Variants in APPL2 observed in about 807,000 individuals in gnomAD.
APPL2 encodes the protein adaptor protein, phosphotyrosine interacting with PH domain and leucine zipper 2.
APPL2 carries 84 observed loss-of-function variants against 92.7 expected under a neutral mutation model. That is an observed-to-expected ratio of 0.91 (90% CI 0.76 to 1.09). APPL2 has a LOEUF of 1.09. Ranked by LOEUF, APPL2 falls within the 50% of genes least tolerant of loss-of-function variation. APPL2 has a pLI of 0.00. For synonymous variants in APPL2, 291 were observed against 291.0 expected (o/e 1.00, Z 0.00); for missense variants, 736 against 824.5 (o/e 0.89, Z 1.31).
intron 17 of APPL2, among the ~76,000 whole-genome samples, chr12:105,187,135 A>T (rs1886806859): frequency 1.3e-5 from 2 of 152,206 alleles, no homozygotes; most frequent in African/African-American, 4.8e-5. Context: ...GATTATAAGA[A>T]CCATGAGCCC....
intron 17 of APPL2, 96 bp from the exon 18 acceptor site, chr12:105,177,358 G>T: frequency 7.7e-7 from 1 of 1,303,956 alleles, no homozygotes; most frequent in Non-Finnish European, 1.1e-6. Flanking sequence ...CAAATTCCCC[G>T]AAATAGAGAT....
intron 17 of APPL2, among the ~76,000 whole-genome samples, chr12:105,186,927 T>G (rs1886785554): frequency 1.3e-5 from 2 of 151,948 alleles, no homozygotes; most frequent in South Asian, 4.1e-4. Context: ...CATTTTTTAA[T>G]TGGGTTGTCT....
intron 14 of APPL2, among the ~76,000 whole-genome samples, chr12:105,192,269 A>T (rs1312859563): frequency 6.6e-6 from 1 of 152,134 alleles, no homozygotes; most frequent in African/African-American, 2.4e-5. Flanking sequence ...AACCACCATC[A>T]TCTTCTCTTG....
chr12:105,198,204 C>G (rs1887837002), intron 10 of APPL2, among the ~76,000 whole-genome samples: 2 of 152,162 alleles, frequency 1.3e-5, no homozygotes, highest in South Asian at 4.1e-4. Flanking sequence ...CGCACCACAG[C>G]CACATGCTGA....
Position 105,217,628 on chromosome 12 carries a change from A to G in APPL2, c.213+38T>C, listed in dbSNP as rs375758133. The G allele has an allele frequency of 1.2e-5, 20 of 1,603,194 alleles. No homozygotes were observed. The African/African-American group carries it at 2.5e-4, about 20-fold the overall frequency. On this transcript the variant is annotated intron_variant, in intron 3 of 20. Transcript: ENST00000258530. ...ATAATTCCACTTAAGAAAGTCCTGA[A>G]CACAGCAGCATCACAGGCCACATAA... is the stretch of plus-strand genomic sequence containing the variant.
chr12:105,174,556 A>C, intron 20 of APPL2, 108 bp from the exon 21 acceptor site: 2 of 1,225,970 alleles, frequency 1.6e-6, no homozygotes, highest in Non-Finnish European at 2.2e-6. Flanking sequence ...GTTTCTCCTG[A>C]CTCTTGTGTA....
intron 2 of APPL2, 90 bp downstream of exon 2, chr12:105,229,035 G>T: frequency 2.7e-6 from 3 of 1,114,518 alleles, no homozygotes; most frequent in Non-Finnish European, 2.6e-6. Context: ...GATGTTTTTC[G>T]GATTCCAATT....
At chr12:105,196,568 T>G (rs574999069) in intron 11 of APPL2, among the ~76,000 whole-genome samples, 13 of 151,394 alleles carry the variant, frequency 8.6e-5, no homozygotes, top group African/African-American at 2.9e-4. Flanking sequence ...CCTGAGTAGC[T>G]GGGATTACAG....
chr12:105,176,064 A>G lies in APPL2; in HGVS notation c.1831T>C (p.Leu611=). ...TGAACCTCAATAATTTCTTTTCCCA[A>G]ATTAATAGCATAACATATCTGCAAA... ...EGEKICYAIN[L]GKEIIEVQKD... The change falls in exon 20 of 21, where the codon TTG becomes CTG. Residue 611 remains leucine (L), a synonymous_variant. Coordinates refer to ENST00000258530, the MANE Select transcript of APPL2 (RefSeq NM_018171.5). The G allele has an allele frequency of 6.3e-7, 1 of 1,591,368 alleles. No individual in the cohort carries two copies. The highest frequency in any genetic ancestry group is 8.5e-7 in the Non-Finnish European group (1 of 1,172,534).
chr12:105,184,379 TTCC>T (rs1886400797), intron 17 of APPL2, among the ~76,000 whole-genome samples: 1 of 152,252 alleles, frequency 6.6e-6, no homozygotes, highest in Admixed American at 6.5e-5. Context: ...GTGCTGCTTT[TTCC>T]TCATCTTTGT....
At chr12:105,186,290 G>C (rs1317903411) in intron 17 of APPL2, among the ~76,000 whole-genome samples, 1 of 152,034 alleles carries the variant, frequency 6.6e-6, no homozygotes, top group African/African-American at 2.4e-5. Flanking sequence ...TGAGCATCAA[G>C]TTGGCACTCA....
At chr12:105,202,997 T>G (rs1888345154) in intron 9 of APPL2, among the ~76,000 whole-genome samples, 1 of 148,360 alleles carries the variant, frequency 6.7e-6, no homozygotes, top group South Asian at 2.2e-4. Context: ...TTCCATTTTG[T>G]CTATTTGTCA....
In APPL2 at chr12:105,176,906, G is replaced by A; in HGVS notation, c.1782C>T (p.Tyr594=). ...CGCCTTCTGAGTTGCTTTCAAAAAT[G>A]TATGTACTCAGAGATTCTTCTCCAG... is the stretch of plus-strand genomic sequence containing the variant. The part of the protein sequence containing the change: ...ESTGEESLST[Y]IFESNSEGEK... The change falls in exon 19 of 21, where the codon TAC becomes TAT. Residue 594 remains tyrosine (Y), a synonymous_variant. Coordinates refer to ENST00000258530, the MANE Select transcript of APPL2 (RefSeq NM_018171.5). 6.2e-7 allele frequency: 1 copy of A among 1,614,106 alleles called. No individual in the cohort carries two copies.
At chr12:105,212,096 G>C (rs1269959949) in intron 4 of APPL2, among the ~76,000 whole-genome samples, 2 of 124,766 alleles carry the variant, frequency 1.6e-5, no homozygotes, top group Non-Finnish European at 3.2e-5. Flanking sequence ...TTCAGCCTGG[G>C]TGACAGAGCG....
intron 2 of APPL2, among the ~76,000 whole-genome samples, chr12:105,220,283 T>C (rs1017529473): frequency 7.2e-5 from 11 of 152,244 alleles, no homozygotes; most frequent in Non-Finnish European, 1.0e-4. Context: ...TATTTTAGGC[T>C]TGTGGGCCAT....
chr12:105,194,913 C>T (rs1247166360), intron 14 of APPL2, among the ~76,000 whole-genome samples: 2 of 151,562 alleles, frequency 1.3e-5, no homozygotes, highest in African/African-American at 4.9e-5. Flanking sequence ...TTTTTAAAAA[C>T]ATTTTTGCTT....
At chr12:105,231,865 T>C (rs983549993) in intron 1 of APPL2, among the ~76,000 whole-genome samples, 5 of 152,254 alleles carry the variant, frequency 3.3e-5, no homozygotes, top group Non-Finnish European at 5.9e-5. Flanking sequence ...CCTTGGACAC[T>C]GGCTATCCTC....
chr12:105,190,629 T>C (rs575245023), intron 14 of APPL2, among the ~76,000 whole-genome samples: 11 of 152,302 alleles, frequency 7.2e-5, no homozygotes, highest in African/African-American at 2.6e-4. Context: ...TGCTTTTCCT[T>C]ATTTCCATCT....
chr12:105,204,088 A>G (rs1307464014), intron 8 of APPL2, among the ~76,000 whole-genome samples: 1 of 152,150 alleles, frequency 6.6e-6, no homozygotes, highest in Admixed American at 6.5e-5. Context: ...GGTATGGGAG[A>G]GGGGAAGAAG....
Sources: allele counts gnomAD v4.1 joint callset (sites outside exome capture counted in the v4.1 genomes callset), GRCh38; gene constraint gnomAD v4.1.1; transcripts MANE v1.5; gene names NCBI Gene and HGNC (gene_info 2026-07-23, HGNC 2026-07-21).